Variants in EXOC4 observed in about 807,000 individuals in gnomAD.
EXOC4 encodes exocyst complex component 4, also known as SEC8-like 1.
EXOC4 carries 71 observed loss-of-function variants against 107.2 expected under a neutral mutation model. The ratio of observed to expected loss-of-function variants is 0.66; its 90% CI spans 0.55 to 0.81. The LOEUF (loss-of-function observed/expected upper bound fraction) is 0.81. Among genes scored for constraint, EXOC4 ranks in the 30% least tolerant of loss-of-function variants. The pLI, the probability that EXOC4 is intolerant of heterozygous loss-of-function variation, is 0.00. For missense variants in EXOC4, 1,108 were observed against 1,189.6 expected (o/e 0.93, Z 1.01); for synonymous variants, 456 against 441.2 (o/e 1.03, Z -0.42).
At chr7:133,822,776 A>G (rs1282365617) in intron 11 of EXOC4, among the ~76,000 whole-genome samples, 1 of 152,210 alleles carries the variant, frequency 6.6e-6, no homozygotes, top group Non-Finnish European at 1.5e-5. Flanking sequence ...GGTACTCGCT[A>G]AAGTTTAAGA....
At position 133,286,486 on chromosome 7, in the gene EXOC4, T is replaced by C. The variant is rs149697939; in HGVS notation, c.277-2436T>C. On this transcript the variant is annotated intron_variant, in intron 2 of 17. Transcript: ENST00000253861. ...GCCTGCCATTCCATTCTGCAGGCTTTCTGTGCATGTCTGATGATCCTTGGC... is the reference window on the plus strand; with the variant it reads ...GCCTGCCATTCCATTCTGCAGGCTTCCTGTGCATGTCTGATGATCCTTGGC... 2.6e-5 allele frequency among the ~76,000 whole-genome samples: 4 copies of C among 152,332 alleles called. No homozygotes were observed. The East Asian group carries it at 7.7e-4, about 29-fold the overall frequency.
intron 9 of EXOC4, among the ~76,000 whole-genome samples, chr7:133,553,529 C>G (rs1800632191): frequency 6.6e-6 from 1 of 152,126 alleles, no homozygotes; most frequent in African/African-American, 2.4e-5. Flanking sequence ...ACCTACGTGC[C>G]TGTGCATGTG....
chr7:133,412,202 C>G (rs1336825809), intron 7 of EXOC4, among the ~76,000 whole-genome samples: 1 of 141,998 alleles, frequency 7.0e-6, no homozygotes, highest in Admixed American at 7.3e-5. Flanking sequence ...ATTGGGCAAT[C>G]TAAATTTAAG....
At chr7:133,563,300 T>C (rs1427073939) in intron 9 of EXOC4, among the ~76,000 whole-genome samples, 3 of 152,206 alleles carry the variant, frequency 2.0e-5, no homozygotes, top group Non-Finnish European at 4.4e-5. Flanking sequence ...TCAAGAAATG[T>C]ATGCGTTAAA....
intron 1 of EXOC4, 111 bp downstream of exon 1, chr7:133,253,298 C>T: frequency 6.9e-7 from 1 of 1,439,154 alleles, no homozygotes; most frequent in Non-Finnish European, 9.2e-7. Context: ...TTCCTCCTTG[C>T]CTCCCGCAGC....
intron 5 of EXOC4, among the ~76,000 whole-genome samples, chr7:133,354,488 A>T (rs1563032129): frequency 6.6e-6 from 1 of 152,072 alleles, no homozygotes; most frequent in East Asian, 1.9e-4. Flanking sequence ...TCCTAGTCCT[A>T]ATGTTTGGCT....
intron 12 of EXOC4, among the ~76,000 whole-genome samples, chr7:133,900,948 C>T (rs1281451944): frequency 1.3e-5 from 2 of 152,184 alleles, no homozygotes; most frequent in Non-Finnish European, 2.9e-5. Flanking sequence ...CAGCTCACTG[C>T]AGCCTCCGCC....
Position 133,630,937 on chromosome 7 carries a change from A to G in EXOC4, c.1514+796A>G, listed in dbSNP as rs571625759. The stretch of plus-strand genomic sequence containing the variant: ...TTTATGAGAGTGGAAAAAAGGGGCA[A>G]TTGTTGAGTAGATAAAACGTTTCAG... On this transcript the variant is annotated intron_variant, in intron 10 of 17. Transcript: ENST00000253861. 1.6e-4 allele frequency among the ~76,000 whole-genome samples: 25 copies of G among 152,260 alleles called. No individual in the cohort carries two copies. The East Asian group carries it at 3.7e-3, about 22-fold the overall frequency.
the EXOC4 span, among the ~76,000 whole-genome samples, chr7:134,083,881 G>A: frequency 6.6e-6 from 1 of 152,132 alleles, no homozygotes; most frequent in Admixed American, 6.5e-5. Context: ...GATTTTCAAG[G>A]GGGCAAGGTC....
intron 9 of EXOC4, among the ~76,000 whole-genome samples, chr7:133,509,470 T>C (rs1391189461): frequency 6.6e-6 from 1 of 151,762 alleles, no homozygotes; most frequent in Non-Finnish European, 1.5e-5. Flanking sequence ...TGGGTAGGGC[T>C]TCTGATAAAA....
At chr7:133,543,358 G>T (rs1373835891) in intron 9 of EXOC4, among the ~76,000 whole-genome samples, 1 of 151,960 alleles carries the variant, frequency 6.6e-6, no homozygotes. Flanking sequence ...GCTCTTATCA[G>T]TTGATATTCC....
At chr7:133,675,046 A>G (rs1794025346) in intron 10 of EXOC4, among the ~76,000 whole-genome samples, 1 of 152,190 alleles carries the variant, frequency 6.6e-6, no homozygotes, top group Admixed American at 6.5e-5. Context: ...CAAATAAGAA[A>G]GTGTTCTTTA....
At chr7:133,845,444 A>G (rs1798107667) in intron 11 of EXOC4, among the ~76,000 whole-genome samples, 1 of 148,566 alleles carries the variant, frequency 6.7e-6, no homozygotes, top group African/African-American at 2.5e-5. Flanking sequence ...GATATATAAG[A>G]TATATATAAA....
intron 14 of EXOC4, among the ~76,000 whole-genome samples, chr7:133,976,445 G>A (rs1032303424): frequency 2.6e-5 from 4 of 152,182 alleles, no homozygotes; most frequent in African/African-American, 9.7e-5. Context: ...AAATTGTGGA[G>A]CATGTAAAAG....
At chr7:133,743,904 A>T in intron 10 of EXOC4, among the ~76,000 whole-genome samples, 1 of 152,100 alleles carries the variant, frequency 6.6e-6, no homozygotes, top group Non-Finnish European at 1.5e-5. Flanking sequence ...CTCCTAGGGG[A>T]AGGAGAAAAC....
At chr7:133,318,483 T>G (rs962137823) in intron 5 of EXOC4, among the ~76,000 whole-genome samples, 2 of 152,224 alleles carry the variant, frequency 1.3e-5, no homozygotes, top group African/African-American at 4.8e-5. Flanking sequence ...TGCCTTCTTG[T>G]GGCAGCCAAA....
intron 10 of EXOC4, among the ~76,000 whole-genome samples, chr7:133,816,201 G>C (rs1051037614): frequency 6.6e-6 from 1 of 152,112 alleles, no homozygotes; most frequent in Non-Finnish European, 1.5e-5. Flanking sequence ...CTACACTGTG[G>C]TATTGAGGTA....
At chr7:133,293,929 T>G (rs1794462320) in intron 3 of EXOC4, among the ~76,000 whole-genome samples, 1 of 152,236 alleles carries the variant, frequency 6.6e-6, no homozygotes, top group Admixed American at 6.5e-5. Context: ...TGTGCTGGGT[T>G]GATGCAAGCA....
intron 13 of EXOC4, among the ~76,000 whole-genome samples, chr7:133,927,310 TC>T (rs1471207999): frequency 6.6e-6 from 1 of 152,216 alleles, no homozygotes; most frequent in Admixed American, 6.5e-5. Flanking sequence ...TTCAATTTTT[TC>T]ATCCAATTCA....
Sources: allele counts gnomAD v4.1 joint callset (sites outside exome capture counted in the v4.1 genomes callset), GRCh38; gene constraint gnomAD v4.1.1; transcripts MANE v1.5; gene names NCBI Gene and HGNC (gene_info 2026-07-23, HGNC 2026-07-21).